CEP83: variants seen among roughly 807,000 people sequenced by gnomAD.
CEP83 encodes centrosomal protein 83.
A neutral mutation model predicts 101.9 loss-of-function variants in CEP83; 70 were observed. The observed-to-expected ratio is 0.69, with a 90% CI of 0.57 to 0.84. The LOEUF (loss-of-function observed/expected upper bound fraction) is 0.84. Ranked by LOEUF, CEP83 falls within the 40% of genes least tolerant of loss-of-function variation. The pLI, the probability that CEP83 is intolerant of heterozygous loss-of-function variation, is 0.00. For missense variants in CEP83, 715 were observed against 787.2 expected (o/e 0.91, Z 1.10); for synonymous variants, 264 against 267.9 (o/e 0.99, Z 0.14).
intron 2 of CEP83, among the ~76,000 whole-genome samples, chr12:94,419,875 C>A (rs2064584614): frequency 2.6e-5 from 4 of 151,998 alleles, no homozygotes; most frequent in Admixed American, 2.6e-4. Flanking sequence ...ATGTGAAAAG[C>A]AGAAGCACAA....
At chr12:94,382,394 G>A (rs2061899904) in intron 6 of CEP83, among the ~76,000 whole-genome samples, 1 of 150,362 alleles carries the variant, frequency 6.7e-6, no homozygotes, top group South Asian at 2.1e-4. Flanking sequence ...CTTTTATTTT[G>A]ATACTCTTTT....
rs953123830 is a variant in CEP83 at position 94,392,630 on chromosome 12, A to G, written c.549+8220T>C. Among the ~76,000 whole-genome samples, 26 of 152,254 alleles carry G rather than the reference A, an allele frequency of 1.7e-4. 1 individual carries two copies. The highest frequency in any genetic ancestry group is 6.0e-4 in the African/African-American group (25 of 41,470). On this transcript the variant is annotated intron_variant, in intron 6 of 16. Transcript: ENST00000397809. Reference sequence around the variant, plus strand: ...CAAAAGCTAGCAGAAGGCAAGAAATAACTAAGATCAGAGCAGAATTGAAAG... The same window carrying G: ...CAAAAGCTAGCAGAAGGCAAGAAATGACTAAGATCAGAGCAGAATTGAAAG...
At chr12:94,439,594 C>A (rs2066247421) in intron 1 of CEP83, among the ~76,000 whole-genome samples, 1 of 150,968 alleles carries the variant, frequency 6.6e-6, no homozygotes, top group Admixed American at 6.6e-5. Flanking sequence ...GGATTCACAG[C>A]TGAATTCTAT....
chr12:94,350,989 ACT>A (rs1393467761), intron 11 of CEP83, among the ~76,000 whole-genome samples: 3 of 151,846 alleles, frequency 2.0e-5, no homozygotes, highest in Admixed American at 2.0e-4. Context: ...GAGGACCAAC[ACT>A]CTTCCACAAA....
chr12:94,394,161 CCAAGA>C (rs2062739538), intron 6 of CEP83, among the ~76,000 whole-genome samples: 1 of 152,136 alleles, frequency 6.6e-6, no homozygotes, highest in South Asian at 2.1e-4. Flanking sequence ...GCCTGCATTG[CCAAGA>C]CAATCCTAAG....
intron 1 of CEP83, among the ~76,000 whole-genome samples, chr12:94,437,773 C>T (rs1392287420): frequency 1.3e-5 from 2 of 152,110 alleles, no homozygotes; most frequent in Non-Finnish European, 2.9e-5. Context: ...AAAATAGAAC[C>T]TTTCTTAAAG....
At chr12:94,362,842 A>G (rs772263178) in intron 11 of CEP83, among the ~76,000 whole-genome samples, 1 of 152,272 alleles carries the variant, frequency 6.6e-6, no homozygotes, top group Non-Finnish European at 1.5e-5. Context: ...ACAATGGAAT[A>G]CTATTCAGCC....
chr12:94,445,284 C>CAA (rs1174877523), intron 1 of CEP83, among the ~76,000 whole-genome samples: 1 of 151,898 alleles, frequency 6.6e-6, no homozygotes, highest in African/African-American at 2.4e-5. Flanking sequence ...CACACACACA[C>CAA]ACACACACAA....
At chr12:94,454,292 G>A (rs1374330502) in intron 1 of CEP83, among the ~76,000 whole-genome samples, 1 of 152,126 alleles carries the variant, frequency 6.6e-6, no homozygotes, top group Non-Finnish European at 1.5e-5. Context: ...ATCTTTAATT[G>A]AACCAGTATT....
intron 14 of CEP83, among the ~76,000 whole-genome samples, chr12:94,314,075 A>C (rs1019663403): frequency 3.3e-5 from 5 of 152,250 alleles, no homozygotes; most frequent in African/African-American, 1.2e-4. Flanking sequence ...GGAAAAGTCC[A>C]GGTAAAATGC....
chr12:94,406,536 C>T (rs1346809226), intron 4 of CEP83, among the ~76,000 whole-genome samples: 1 of 151,910 alleles, frequency 6.6e-6, no homozygotes, highest in Non-Finnish European at 1.5e-5. Flanking sequence ...AGAAATGACA[C>T]AGATGTCATT....
chr12:94,401,245 T>TA lies in CEP83; in HGVS notation c.418-265dup, dbSNP rs11370858. On this transcript the variant is annotated intron_variant, in intron 5 of 16. Transcript: ENST00000397809. ...ATTTCTTCACTGGTTCTCATTATGA[T>TA]AAAGTGTATAGTATGAGGAAAGTGT... The TA allele has an allele frequency of 0.75, 128,833 of 172,040 alleles. 49,775 individuals are homozygous for TA. Among genetic ancestry groups the TA allele is most frequent in the East Asian group, 0.98 (6,548 of 6,700 alleles). The allele number at this position is 172,040 out of a possible 1,614,324, so 10.7% of individuals were successfully genotyped here. A position where few individuals can be genotyped will look rare whatever the true frequency, so the allele number is the denominator to read the frequency against.
At chr12:94,356,837 C>T (rs531694848) in intron 11 of CEP83, among the ~76,000 whole-genome samples, 4 of 152,252 alleles carry the variant, frequency 2.6e-5, no homozygotes, top group South Asian at 2.1e-4. Flanking sequence ...TTGGGCTGCT[C>T]GCAATGCCCA....
intron 1 of CEP83, among the ~76,000 whole-genome samples, chr12:94,445,149 A>G (rs1188871375): frequency 6.6e-6 from 1 of 152,194 alleles, no homozygotes; most frequent in African/African-American, 2.4e-5. Context: ...ATTAAACAAA[A>G]AAGACTGTCC....
the CEP83 span, among the ~76,000 whole-genome samples, chr12:94,295,031 G>A: frequency 6.6e-6 from 1 of 152,254 alleles, no homozygotes; most frequent in Non-Finnish European, 1.5e-5. Context: ...TTATGGGAAA[G>A]TCAATAGGCT....
chr12:94,406,983 A>T (rs2063581095), intron 4 of CEP83, among the ~76,000 whole-genome samples: 1 of 152,016 alleles, frequency 6.6e-6, no homozygotes, highest in South Asian at 2.1e-4. Flanking sequence ...ACAATTTCTG[A>T]GATGAAAATT....
chr12:94,447,186 G>C (rs1452048282), intron 1 of CEP83, among the ~76,000 whole-genome samples: 1 of 152,160 alleles, frequency 6.6e-6, no homozygotes, highest in Admixed American at 6.5e-5. Flanking sequence ...AATAACAATG[G>C]AAGTCCCTCA....
the CEP83 span, among the ~76,000 whole-genome samples, chr12:94,291,000 G>C: frequency 6.6e-6 from 1 of 152,318 alleles, no homozygotes; most frequent in Admixed American, 6.5e-5. Context: ...CCTGCCCCCA[G>C]CATCTTGGCA....
intron 14 of CEP83, among the ~76,000 whole-genome samples, chr12:94,321,666 G>T (rs1316249115): frequency 6.6e-6 from 1 of 151,576 alleles, no homozygotes; most frequent in East Asian, 1.9e-4. Context: ...GCTTTGTGTT[G>T]GGCATCCGTA....
Sources: gnomAD v4.1 joint callset for allele counts (sites outside exome capture counted in the v4.1 genomes callset) on GRCh38, gnomAD v4.1.1 for gene constraint, MANE v1.5 for transcripts, NCBI Gene and HGNC (gene_info 2026-07-23, HGNC 2026-07-21) for gene names.